SGCZ: variants seen among roughly 807,000 people sequenced by gnomAD.
SGCZ encodes the protein zeta-sarcoglycan.
Under a neutral mutation model 41.3 loss-of-function variants are expected in SGCZ, and 40 were observed. The observed-to-expected ratio is 0.97, with a 90% CI of 0.75 to 1.26. The LOEUF is 1.26. Among genes scored for constraint, SGCZ ranks in the 50% most tolerant of loss-of-function variants. The pLI is 0.00. For synonymous variants in SGCZ, 206 were observed against 137.5 expected (o/e 1.50, Z -3.49); for missense variants, 552 against 369.8 (o/e 1.49, Z -4.04).
intron 1 of SGCZ, among the ~76,000 whole-genome samples, chr8:14,607,926 C>A (rs1231825641): frequency 3.3e-5 from 5 of 152,078 alleles, no homozygotes; most frequent in African/African-American, 9.7e-5. Context: ...ATGTTCAGGC[C>A]ACTTGGAGTA....
intron 1 of SGCZ, among the ~76,000 whole-genome samples, chr8:14,930,173 C>T (rs557490418): frequency 3.8e-4 from 58 of 151,770 alleles, no homozygotes; most frequent in Admixed American, 4.6e-4. Flanking sequence ...AAAAAGTGGG[C>T]GAAGGATGTG....
At chr8:14,105,064 C>T (rs1802159816) in intron 6 of SGCZ, among the ~76,000 whole-genome samples, 1 of 151,998 alleles carries the variant, frequency 6.6e-6, no homozygotes, top group Non-Finnish European at 1.5e-5. Flanking sequence ...TAAAAACAAA[C>T]ATTAGGCTGT....
chr8:15,015,094 T>G (rs927294675), intron 1 of SGCZ, among the ~76,000 whole-genome samples: 9 of 151,810 alleles, frequency 5.9e-5, no homozygotes, highest in African/African-American at 2.2e-4. Flanking sequence ...AATGCAAAAA[T>G]TACCTGGGCA....
At chr8:14,191,920 A>T (rs1480094899) in intron 4 of SGCZ, among the ~76,000 whole-genome samples, 1 of 152,152 alleles carries the variant, frequency 6.6e-6, no homozygotes, top group African/African-American at 2.4e-5. Context: ...TCTAAAAAAA[A>T]AGTAAAATAC....
intron 1 of SGCZ, among the ~76,000 whole-genome samples, chr8:14,578,170 T>A (rs1585095503): frequency 6.6e-6 from 1 of 152,272 alleles, no homozygotes; most frequent in South Asian, 2.1e-4. Context: ...ATTTTGGTGA[T>A]AAAAAGAGAA....
chr8:14,675,219 T>A (rs1302028156), intron 1 of SGCZ, among the ~76,000 whole-genome samples: 1 of 151,616 alleles, frequency 6.6e-6, no homozygotes, highest in East Asian at 1.9e-4. Context: ...GGATTACAGG[T>A]GTGAGCCACC....
chr8:14,500,654 GTAT>G (rs1802125652), intron 2 of SGCZ, among the ~76,000 whole-genome samples: 1 of 151,884 alleles, frequency 6.6e-6, no homozygotes, highest in African/African-American at 2.4e-5. Context: ...ATATATACCT[GTAT>G]TATTGACAGT....
intron 1 of SGCZ, among the ~76,000 whole-genome samples, chr8:15,124,007 C>T (rs1807584630): frequency 6.6e-6 from 1 of 152,170 alleles, no homozygotes; most frequent in Non-Finnish European, 1.5e-5. Flanking sequence ...TGCAAATGGC[C>T]TGGCAGCCTT....
At position 14,968,712 on chromosome 8, in the gene SGCZ, C is replaced by T. The variant is rs534680908; in HGVS notation, c.39+268873G>A. ...CTACCTTGAGAAAATGACTTCTAAG[C>T]TGAGTGTTTAAAGGCTAAAAGAAAA... On this transcript the variant is annotated intron_variant, in intron 1 of 7. Transcript: ENST00000382080. 4.6e-5 allele frequency among the ~76,000 whole-genome samples: 7 copies of T among 152,114 alleles called. No homozygotes were observed. The East Asian group carries it at 7.7e-4, about 17-fold the overall frequency.
intron 6 of SGCZ, among the ~76,000 whole-genome samples, chr8:14,103,125 G>T (rs2116985903): frequency 6.6e-6 from 1 of 152,160 alleles, no homozygotes; most frequent in African/African-American, 2.4e-5. Context: ...ACATCAGTCT[G>T]TGAAAGAAAA....
intron 4 of SGCZ, among the ~76,000 whole-genome samples, chr8:14,200,615 GTTTGT>G (rs1188547093): frequency 3.3e-5 from 5 of 151,858 alleles, no homozygotes; most frequent in East Asian, 1.9e-4. Context: ...TTTTTTGTTT[GTTTGT>G]TTTGTTTTGT....
At chr8:14,797,165 A>G (rs374647119) in intron 1 of SGCZ, among the ~76,000 whole-genome samples, 1 of 151,308 alleles carries the variant, frequency 6.6e-6, no homozygotes, top group Admixed American at 6.6e-5. Flanking sequence ...AGGGGTGGGG[A>G]CAGTTTGGAG....
chr8:15,204,233 C>T (rs1436567827), intron 1 of SGCZ, among the ~76,000 whole-genome samples: 1 of 152,056 alleles, frequency 6.6e-6, no homozygotes. Flanking sequence ...AGAGTTGGAG[C>T]CACCAAGTAC....
chr8:14,747,336 G>A lies in SGCZ; in HGVS notation c.40-192410C>T, dbSNP rs75359427. Among the ~76,000 whole-genome samples the A allele has an allele frequency of 6.4e-3, 970 of 152,228 alleles. 13 individuals are homozygous for A. Among genetic ancestry groups the A allele is most frequent in the African/African-American group, 0.022 (933 of 41,532 alleles). ...CCGCCCTCAACACAACACAGTGGCT[G>A]AAGCTTTAAGATTTAAAAATCTGGA... On this transcript the variant is annotated intron_variant, in intron 1 of 7. Coordinates refer to ENST00000382080, the MANE Select transcript of SGCZ (RefSeq NM_139167.4).
intron 1 of SGCZ, among the ~76,000 whole-genome samples, chr8:15,194,559 C>A (rs970351152): frequency 6.6e-6 from 1 of 151,984 alleles, no homozygotes; most frequent in Non-Finnish European, 1.5e-5. Flanking sequence ...CCCAAGTGGG[C>A]CAATGGAATC....
intron 1 of SGCZ, among the ~76,000 whole-genome samples, chr8:14,970,001 A>G (rs942225305): frequency 6.6e-6 from 1 of 152,132 alleles, no homozygotes; most frequent in Admixed American, 6.5e-5. Flanking sequence ...TTTCCTCCAC[A>G]TACCCTCCAA....
At chr8:14,325,186 G>T (rs930555813) in intron 2 of SGCZ, among the ~76,000 whole-genome samples, 3 of 152,118 alleles carry the variant, frequency 2.0e-5, no homozygotes, top group African/African-American at 4.8e-5. Context: ...TCTGGCAGAA[G>T]TACTGTTTAG....
At chr8:14,952,544 TTTTG>T in intron 1 of SGCZ, among the ~76,000 whole-genome samples, 1 of 152,300 alleles carries the variant, frequency 6.6e-6, no homozygotes, top group African/African-American at 2.4e-5. Flanking sequence ...TTTGCATTAA[TTTTG>T]TTTTTCACAT....
At chr8:14,726,313 T>TATATATATATAA (rs1810051900) in intron 1 of SGCZ, among the ~76,000 whole-genome samples, 1 of 130,584 alleles carries the variant, frequency 7.7e-6, no homozygotes, top group Non-Finnish European at 1.6e-5. Flanking sequence ...TGTAAATACA[T>TATATATATATAA]ATATATATAT....
Sources: gnomAD v4.1 joint callset for allele counts (sites outside exome capture counted in the v4.1 genomes callset) on GRCh38, gnomAD v4.1.1 for gene constraint, MANE v1.5 for transcripts, NCBI Gene and HGNC (gene_info 2026-07-23, HGNC 2026-07-21) for gene names.